Variants in DTNB observed in about 807,000 individuals in gnomAD.
DTNB encodes DTN-B.
In DTNB, 63 loss-of-function variants were observed where a neutral mutation model predicts 90.7. The observed-to-expected ratio is 0.69, with a 90% confidence interval of 0.57 to 0.86. The LOEUF (loss-of-function observed/expected upper bound fraction) is 0.86. DTNB is among the 40% of genes least tolerant of loss of function. The probability of loss-of-function intolerance (pLI) is 0.00; values close to 1 mark genes in which losing one functional copy is unlikely to be tolerated. For synonymous variants in DTNB, 277 were observed against 286.7 expected, an observed-to-expected ratio of 0.97 and a Z score of 0.34; for missense variants, 744 against 807.1, an observed-to-expected ratio of 0.92 and a Z score of 0.95.
chr2:25,389,415 C>T (rs372586896), intron 16 of DTNB, among the ~76,000 whole-genome samples: 6 of 152,374 alleles, frequency 3.9e-5, no homozygotes, highest in East Asian at 3.9e-4. Flanking sequence ...GGCCACCCCG[C>T]GGGGACGAGG....
intron 12 of DTNB, among the ~76,000 whole-genome samples, chr2:25,444,257 G>A (rs1352766641): frequency 3.3e-5 from 5 of 152,010 alleles, no homozygotes; most frequent in African/African-American, 1.2e-4. Context: ...GACCGGGCGC[G>A]GTGGCTCACA....
chr2:25,587,787 C>T (rs2062733462), intron 6 of DTNB, among the ~76,000 whole-genome samples: 1 of 152,106 alleles, frequency 6.6e-6, no homozygotes, highest in Admixed American at 6.5e-5. Flanking sequence ...TCTAAGTATG[C>T]TAGTGAGACA....
At chr2:25,437,711 T>C (rs541490970) in intron 12 of DTNB, among the ~76,000 whole-genome samples, 2 of 152,322 alleles carry the variant, frequency 1.3e-5, no homozygotes, top group South Asian at 4.1e-4. Flanking sequence ...ATCCAGTTCA[T>C]AAAGACATAG....
intron 8 of DTNB, among the ~76,000 whole-genome samples, chr2:25,565,298 G>A (rs1031443128): frequency 1.3e-5 from 2 of 152,248 alleles, no homozygotes; most frequent in African/African-American, 2.4e-5. Context: ...TGCCAGTGAT[G>A]CAATCATAAC....
chr2:25,638,735 C>G (rs891860329), intron 3 of DTNB, among the ~76,000 whole-genome samples: 1 of 152,170 alleles, frequency 6.6e-6, no homozygotes, highest in Non-Finnish European at 1.5e-5. Context: ...TTACATAAAG[C>G]ATTTCCTTAA....
chr2:25,563,112 T>C (rs962802215), intron 8 of DTNB, among the ~76,000 whole-genome samples: 5 of 152,226 alleles, frequency 3.3e-5, no homozygotes, highest in Admixed American at 1.3e-4. Context: ...ACATAAAATT[T>C]ACCACCTTAA....
chr2:25,572,494 C>T (rs1017136428), intron 8 of DTNB, among the ~76,000 whole-genome samples: 10 of 151,576 alleles, frequency 6.6e-5, no homozygotes, highest in South Asian at 2.1e-4. Context: ...CTATCTGCAC[C>T]GTCCCTTCCT....
At chr2:25,472,273 T>C (rs939859548) in intron 10 of DTNB, among the ~76,000 whole-genome samples, 3 of 152,150 alleles carry the variant, frequency 2.0e-5, no homozygotes, top group Non-Finnish European at 2.9e-5. Flanking sequence ...GGAAGGCTTA[T>C]TGGAGGAGTC....
At chr2:25,479,116 G>A (rs1169388983) in intron 10 of DTNB, among the ~76,000 whole-genome samples, 2 of 152,192 alleles carry the variant, frequency 1.3e-5, no homozygotes, top group East Asian at 1.9e-4. Context: ...CCAACTGAAC[G>A]CACAAAGCAC....
intron 19 of DTNB, chr2:25,383,623 C>T: frequency 2.1e-6 from 2 of 966,956 alleles, no homozygotes; most frequent in Non-Finnish European, 3.0e-6. Flanking sequence ...ATCCCAGGAT[C>T]AGGAAATGAG....
At chr2:25,412,465 G>GCCCCACTA (rs2046849705) in intron 16 of DTNB, among the ~76,000 whole-genome samples, 2 of 152,182 alleles carry the variant, frequency 1.3e-5, no homozygotes, top group Admixed American at 6.5e-5. Flanking sequence ...TTGGCCCACT[G>GCCCCACTA]CCCCACTACC....
chr2:25,531,735 T>C (rs893583161), intron 8 of DTNB, 138 bp from the exon 9 acceptor site: 6 of 1,224,334 alleles, frequency 4.9e-6, no homozygotes, highest in African/African-American at 4.6e-5. Context: ...TCAATATCAT[T>C]GGGCCTTTCA....
rs900643862 is a variant in DTNB, at chr2:25,616,954, G to GAAAAAAAAA, written c.363-9634_363-9633insTTTTTTTTT. Among the ~76,000 whole-genome samples the GAAAAAAAAA allele has an allele frequency of 8.2e-5, 8 of 97,450 alleles. 2 individuals are homozygous for GAAAAAAAAA. Among genetic ancestry groups the GAAAAAAAAA allele is most frequent in the South Asian group, 3.3e-4 (1 of 3,066 alleles). The allele number at this position is 97,450 out of a possible 152,430, so 63.9% of individuals were successfully genotyped here. A position where few individuals can be genotyped will look rare whatever the true frequency, so the allele number is the denominator to read the frequency against. ...CTCAAAAAAAAAAAAAAAAAAAAAG[G>GAAAAAAAAA]AAAAAAAAGACTCATTAACCCCTCA... On this transcript the variant is annotated intron_variant, in intron 4 of 20. Transcript: ENST00000406818.
At chr2:25,646,820 C>G (rs748663529) in intron 2 of DTNB, among the ~76,000 whole-genome samples, 12 of 152,142 alleles carry the variant, frequency 7.9e-5, no homozygotes, top group Non-Finnish European at 1.6e-4. Flanking sequence ...GTTCTCAGGA[C>G]CTCCTGAGGG....
chr2:25,470,745 G>A (rs2062642122), intron 10 of DTNB, among the ~76,000 whole-genome samples: 1 of 152,134 alleles, frequency 6.6e-6, no homozygotes, highest in Admixed American at 6.5e-5. Context: ...ACACATGCCT[G>A]CTGTTATATC....
At chr2:25,591,158 TGCCA>T (rs879756622) in intron 6 of DTNB, among the ~76,000 whole-genome samples, 3 of 152,114 alleles carry the variant, frequency 2.0e-5, no homozygotes, top group Non-Finnish European at 4.4e-5. Context: ...AGCAGGGAGA[TGCCA>T]GGCAGCGGGA....
intron 9 of DTNB, among the ~76,000 whole-genome samples, chr2:25,501,131 A>T (rs2070564696): frequency 6.6e-6 from 1 of 152,234 alleles, no homozygotes; most frequent in South Asian, 2.1e-4. Context: ...TTGAGACAAA[A>T]AACAAAACAA....
intron 7 of DTNB, among the ~76,000 whole-genome samples, chr2:25,580,314 T>C (rs2061374592): frequency 1.3e-5 from 2 of 151,888 alleles, no homozygotes; most frequent in African/African-American, 4.8e-5. Context: ...GTAATAAGTC[T>C]CTGCGAGATC....
chr2:25,613,698 G>A (rs541973726), intron 4 of DTNB, among the ~76,000 whole-genome samples: 2 of 151,344 alleles, frequency 1.3e-5, no homozygotes, highest in South Asian at 2.1e-4. Context: ...AGTGGCTCAC[G>A]CCTGTAATCG....
Sources: allele counts gnomAD v4.1 joint callset (sites outside exome capture counted in the v4.1 genomes callset), GRCh38; gene constraint gnomAD v4.1.1; transcripts MANE v1.5; gene names NCBI Gene and HGNC (gene_info 2026-07-23, HGNC 2026-07-21).